The following THRB variants were observed in gnomAD, a reference collection of about 807,000 sequenced individuals.
THRB encodes the protein thyroid hormone receptor beta, also known as nuclear receptor subfamily 1 group A member 2.
In THRB, 12 loss-of-function variants were observed where a neutral mutation model predicts 47.8. The ratio of observed to expected loss-of-function variants is 0.25; its 90% CI spans 0.16 to 0.41. THRB has a LOEUF of 0.41. Ranked by LOEUF, THRB falls within the 10% of genes least tolerant of loss-of-function variation. The pLI, the probability that THRB is intolerant of heterozygous loss-of-function variation, is 1.00. For missense variants in THRB, 348 were observed against 589.2 expected, an observed-to-expected ratio of 0.59 and a Z score of 4.24; for synonymous variants, 218 against 212.2, an observed-to-expected ratio of 1.03 and a Z score of -0.24.
chr3:24,378,161 C>A (rs1387577085), intron 1 of THRB, among the ~76,000 whole-genome samples: 3 of 152,120 alleles, frequency 2.0e-5, no homozygotes, highest in African/African-American at 4.8e-5. Context: ...CTCAGCCCAG[C>A]TGTCTCTTAA....
intron 3 of THRB, among the ~76,000 whole-genome samples, chr3:24,257,930 A>G (rs1348636092): frequency 6.6e-6 from 1 of 152,246 alleles, no homozygotes; most frequent in African/African-American, 2.4e-5. Flanking sequence ...GTGGCTTGGC[A>G]CCTCACACTT....
intron 3 of THRB, among the ~76,000 whole-genome samples, chr3:24,275,261 TA>T (rs1187573623): frequency 2.0e-5 from 3 of 152,150 alleles, no homozygotes; most frequent in Non-Finnish European, 2.9e-5. Context: ...ATAAAAGTTT[TA>T]AAAAAATGCT....
intron 1 of THRB, among the ~76,000 whole-genome samples, chr3:24,379,554 G>T (rs1156447235): frequency 2.0e-5 from 3 of 152,100 alleles, no homozygotes; most frequent in African/African-American, 7.2e-5. Flanking sequence ...CCTTTTAGGA[G>T]TGGAAGGGAC....
intron 4 of THRB, among the ~76,000 whole-genome samples, chr3:24,210,431 G>C (rs2045903357): frequency 6.6e-6 from 1 of 150,664 alleles, no homozygotes; most frequent in Non-Finnish European, 1.5e-5. Context: ...TTGCTTCTGT[G>C]GGGCATAGCT....
intron 1 of THRB, 75 bp downstream of exon 1, chr3:24,494,577 G>A (rs1043974982): frequency 2.6e-5 from 4 of 151,484 alleles, no homozygotes; most frequent in African/African-American, 9.7e-5. Context: ...GCACCCCTCC[G>A]GGTTCTTGCG....
chr3:24,327,548 G>A (rs1469738312), intron 2 of THRB, among the ~76,000 whole-genome samples: 1 of 152,174 alleles, frequency 6.6e-6, no homozygotes, highest in Non-Finnish European at 1.5e-5. Flanking sequence ...CCTACTATGT[G>A]CCAGGCACAA....
intron 8 of THRB, among the ~76,000 whole-genome samples, chr3:24,134,284 C>T (rs2034315520): frequency 6.6e-6 from 1 of 152,180 alleles, no homozygotes; most frequent in Admixed American, 6.5e-5. Context: ...CAGTAGCCAT[C>T]TGACTCCTGA....
At chr3:24,213,213 A>G (rs779640933) in intron 4 of THRB, among the ~76,000 whole-genome samples, 38 of 152,218 alleles carry the variant, frequency 2.5e-4, no homozygotes, top group Admixed American at 4.6e-4. Flanking sequence ...CAGGAGCCTC[A>G]TACTGTAGCC....
At chr3:24,256,093 G>C (rs2051249982) in intron 3 of THRB, among the ~76,000 whole-genome samples, 1 of 152,178 alleles carries the variant, frequency 6.6e-6, no homozygotes, top group Non-Finnish European at 1.5e-5. Flanking sequence ...AAGTGAGCTG[G>C]CAAGAGTCTG....
intron 2 of THRB, among the ~76,000 whole-genome samples, chr3:24,307,042 T>A (rs73823286): frequency 0.12 from 18,198 of 151,622 alleles, 1,190 homozygotes; most frequent in South Asian, 0.19. Flanking sequence ...GCTGTTTTTA[T>A]AAATATAATA....
chr3:24,123,168 G>A, intron 10 of THRB, 43 bp from the exon 11 acceptor site: 1 of 1,612,518 alleles, frequency 6.2e-7, no homozygotes, highest in Non-Finnish European at 8.5e-7. Context: ...AGAGATGGAA[G>A]GGGGAAGGCT....
chr3:24,160,926 G>C (rs2038713711), intron 5 of THRB, among the ~76,000 whole-genome samples: 1 of 152,198 alleles, frequency 6.6e-6, no homozygotes, highest in Admixed American at 6.5e-5. Flanking sequence ...GACTCCTACT[G>C]TTAGCTTTCA....
In THRB at chr3:24,338,385, G is replaced by A. The variant is rs139402610; in HGVS notation, c.-260-1014C>T. ...ATGCATATCGAAGGCAATGAACAAT[G>A]TTTGTGTATTTTTAATTTACCTATA... On this transcript the variant is annotated intron_variant, in intron 1 of 10. Coordinates refer to ENST00000646209, the MANE Select transcript of THRB (RefSeq NM_001354712.2). Among the ~76,000 whole-genome samples, 286 of 152,230 alleles carry A rather than the reference G, an allele frequency of 1.9e-3. 2 individuals carry two copies. Among genetic ancestry groups the A allele is most frequent in the African/African-American group, 6.7e-3 (278 of 41,546 alleles).
At chr3:24,186,212 G>C (rs996710490) in intron 5 of THRB, among the ~76,000 whole-genome samples, 1 of 152,182 alleles carries the variant, frequency 6.6e-6, no homozygotes, top group Non-Finnish European at 1.5e-5. Flanking sequence ...CCCCTCTCTA[G>C]AGATTCACTA....
intron 4 of THRB, among the ~76,000 whole-genome samples, chr3:24,221,958 G>A (rs1013095154): frequency 2.0e-5 from 3 of 152,186 alleles, no homozygotes; most frequent in African/African-American, 7.2e-5. Flanking sequence ...GAGCACAAGA[G>A]GACCAGTCCT....
At chr3:24,187,397 G>C (rs546893161) in intron 5 of THRB, among the ~76,000 whole-genome samples, 8 of 152,198 alleles carry the variant, frequency 5.3e-5, no homozygotes, top group Non-Finnish European at 8.8e-5. Flanking sequence ...CTGGCAGATG[G>C]GCTCACTGCA....
At chr3:24,401,389 C>CT (rs966992542) in intron 1 of THRB, among the ~76,000 whole-genome samples, 3 of 151,982 alleles carry the variant, frequency 2.0e-5, no homozygotes, top group African/African-American at 4.8e-5. Flanking sequence ...TTTAAAGAGA[C>CT]TTTTTTTGCA....
intron 2 of THRB, among the ~76,000 whole-genome samples, chr3:24,316,359 T>A (rs1442530767): frequency 1.3e-5 from 2 of 152,162 alleles, no homozygotes; most frequent in African/African-American, 4.8e-5. Flanking sequence ...TTCTCTCCTC[T>A]TTCCATCCTT....
intron 1 of THRB, among the ~76,000 whole-genome samples, chr3:24,443,391 G>GA (rs1029333700): frequency 2.0e-5 from 3 of 150,706 alleles, no homozygotes; most frequent in Non-Finnish European, 3.0e-5. Context: ...GAATTTCAGA[G>GA]AAAAAAAAAT....
Sources: allele counts gnomAD v4.1 joint callset (sites outside exome capture counted in the v4.1 genomes callset), GRCh38; gene constraint gnomAD v4.1.1; transcripts MANE v1.5; gene names NCBI Gene and HGNC (gene_info 2026-07-23, HGNC 2026-07-21).